The following SLC24A3 variants were observed in gnomAD, a reference collection of about 807,000 sequenced individuals.
SLC24A3 encodes the protein solute carrier family 24 member 3, also known as sodium/potassium/calcium exchanger 3.
Under a neutral mutation model 75.8 loss-of-function variants are expected in SLC24A3, and 28 were observed. The observed-to-expected ratio is 0.37, with a 90% confidence interval of 0.27 to 0.51. The LOEUF (loss-of-function observed/expected upper bound fraction) is 0.51. Ranked by LOEUF, SLC24A3 falls within the 20% of genes least tolerant of loss-of-function variation. SLC24A3 has a pLI of 0.94. For synonymous variants in SLC24A3, 372 were observed against 334.1 expected (o/e 1.11, Z -1.24); for missense variants, 663 against 847.8 (o/e 0.78, Z 2.71).
chr20:19,688,789 A>G (rs989865822), intron 12 of SLC24A3, among the ~76,000 whole-genome samples: 1 of 152,206 alleles, frequency 6.6e-6, no homozygotes, highest in African/African-American at 2.4e-5. Flanking sequence ...GTATGTGAAT[A>G]CTGTTGTGAG....
At chr20:19,427,984 T>G (rs1987039857) in intron 2 of SLC24A3, among the ~76,000 whole-genome samples, 2 of 152,248 alleles carry the variant, frequency 1.3e-5, no homozygotes, top group Non-Finnish European at 2.9e-5. Flanking sequence ...ACATTTGCAG[T>G]AACACATCAG....
chr20:19,660,290 A>AC (rs576935868), intron 7 of SLC24A3, among the ~76,000 whole-genome samples: 10 of 134,398 alleles, frequency 7.4e-5, no homozygotes, highest in East Asian at 2.4e-4. Context: ...CCCTCCTCCC[A>AC]CCCCCCCACC....
intron 2 of SLC24A3, among the ~76,000 whole-genome samples, chr20:19,462,678 C>T (rs970368585): frequency 1.1e-4 from 17 of 152,246 alleles, no homozygotes; most frequent in Middle Eastern, 3.4e-3. Context: ...AGCTTTTGGG[C>T]TTCTGTCCAG....
At chr20:19,671,625 G>T (rs2032467917) in intron 8 of SLC24A3, among the ~76,000 whole-genome samples, 1 of 150,230 alleles carries the variant, frequency 6.7e-6, no homozygotes, top group South Asian at 2.1e-4. Flanking sequence ...AAAGGACAAA[G>T]CCCAGGGTTG....
At chr20:19,404,874 G>A (rs940085437) in intron 2 of SLC24A3, among the ~76,000 whole-genome samples, 5 of 152,144 alleles carry the variant, frequency 3.3e-5, no homozygotes, top group African/African-American at 1.2e-4. Context: ...AGATGGTCTT[G>A]CATTCCTGGT....
chr20:19,681,769 G>A (rs745843331), intron 9 of SLC24A3, 89 bp from the exon 10 acceptor site: 53 of 1,599,390 alleles, frequency 3.3e-5, no homozygotes, highest in Non-Finnish European at 4.3e-5. Context: ...CATGCAGACT[G>A]GGAGAGCTCT....
chr20:19,306,374 G>A (rs6045981), intron 2 of SLC24A3, among the ~76,000 whole-genome samples: 23,579 of 151,938 alleles, frequency 0.16, 4,455 homozygotes, highest in African/African-American at 0.43. Context: ...TCATTACTGG[G>A]TATATAGTCA....
At chr20:19,505,873 C>A (rs969302439) in intron 2 of SLC24A3, among the ~76,000 whole-genome samples, 2 of 152,148 alleles carry the variant, frequency 1.3e-5, no homozygotes, top group Admixed American at 6.5e-5. Flanking sequence ...GACATAGGGC[C>A]CCAGGACTGT....
At chr20:19,480,049 A>T (rs372216785) in intron 2 of SLC24A3, among the ~76,000 whole-genome samples, 2 of 152,356 alleles carry the variant, frequency 1.3e-5, no homozygotes, top group East Asian at 1.9e-4. Context: ...AATCCAGGAA[A>T]TGCATATGAG....
At chr20:19,420,740 A>G (rs1986904615) in intron 2 of SLC24A3, among the ~76,000 whole-genome samples, 1 of 84,668 alleles carries the variant, frequency 1.2e-5, no homozygotes, top group Non-Finnish European at 2.2e-5. Flanking sequence ...CGCCAAGTCA[A>G]TCCTAAGCCA....
intron 2 of SLC24A3, among the ~76,000 whole-genome samples, chr20:19,336,711 C>T (rs1012092193): frequency 5.1e-4 from 69 of 134,754 alleles, no homozygotes; most frequent in Admixed American, 1.1e-3. Flanking sequence ...CCCCCCACCC[C>T]CTCCTGCCCT....
chr20:19,316,623 C>G (rs147422075), intron 2 of SLC24A3, among the ~76,000 whole-genome samples: 4 of 152,176 alleles, frequency 2.6e-5, no homozygotes, highest in African/African-American at 7.2e-5. Context: ...CAAGTCGTGC[C>G]GACTCCCCCT....
intron 2 of SLC24A3, among the ~76,000 whole-genome samples, chr20:19,380,147 A>C (rs913024802): frequency 6.6e-6 from 1 of 152,226 alleles, no homozygotes; most frequent in Non-Finnish European, 1.5e-5. Flanking sequence ...ATGAGATGGC[A>C]CAACAGGTCT....
At chr20:19,246,335 A>T (rs1982482146) in intron 1 of SLC24A3, among the ~76,000 whole-genome samples, 1 of 152,294 alleles carries the variant, frequency 6.6e-6, no homozygotes, top group South Asian at 2.1e-4. Context: ...AATGAAATAG[A>T]AAACAGCTAT....
intron 1 of SLC24A3, among the ~76,000 whole-genome samples, chr20:19,269,969 G>T (rs574241316): frequency 2.0e-4 from 31 of 152,276 alleles, no homozygotes; most frequent in Admixed American, 8.5e-4. Flanking sequence ...CCCACTACCG[G>T]TCAGAACATC....
chr20:19,350,660 T>A (rs1358261013), intron 2 of SLC24A3, among the ~76,000 whole-genome samples: 2 of 152,206 alleles, frequency 1.3e-5, no homozygotes. Flanking sequence ...ACTGTTATGA[T>A]CTAATGGAAA....
intron 2 of SLC24A3, among the ~76,000 whole-genome samples, chr20:19,465,312 G>A (rs1340894306): frequency 6.6e-6 from 1 of 152,088 alleles, no homozygotes; most frequent in Admixed American, 6.5e-5. Flanking sequence ...AGCCAAGGAA[G>A]TGGACACAGT....
chr20:19,410,691 C>G (rs1986728412), intron 2 of SLC24A3, among the ~76,000 whole-genome samples: 1 of 152,118 alleles, frequency 6.6e-6, no homozygotes, highest in Non-Finnish European at 1.5e-5. Flanking sequence ...CATTGCCTGG[C>G]ACATAATAGG....
At position 19,685,036 on chromosome 20, in the gene SLC24A3, G is replaced by A. The variant is rs536372451; in HGVS notation, c.1063-64G>A. 1.2e-5 allele frequency: 18 copies of A among 1,525,996 alleles called. No homozygotes were observed. In the East Asian group the frequency reaches 3.0e-4, roughly 25 times the overall value. 94.5% of individuals were successfully genotyped at this position (1,525,996 alleles called of 1,614,324 possible). On this transcript the variant is annotated intron_variant, in intron 11 of 16. Coordinates refer to ENST00000328041, the MANE Select transcript of SLC24A3 (RefSeq NM_020689.4). ...CCAGGGAAAGATCCCAACAGCTCATGTTCTGAGTGTAAGGTATTTGCAATC... is the reference window on the plus strand; with the variant it reads ...CCAGGGAAAGATCCCAACAGCTCATATTCTGAGTGTAAGGTATTTGCAATC...
Sources: allele counts gnomAD v4.1 joint callset (sites outside exome capture counted in the v4.1 genomes callset), GRCh38; gene constraint gnomAD v4.1.1; transcripts MANE v1.5; gene names NCBI Gene and HGNC (gene_info 2026-07-23, HGNC 2026-07-21).